Variants in POU6F2 observed in about 807,000 individuals in gnomAD.
The protein encoded by POU6F2 is POU domain, class 6, transcription factor 2.
POU6F2 carries 31 observed loss-of-function variants against 71.3 expected under a neutral mutation model. The observed-to-expected ratio is 0.43, with a 90% CI of 0.33 to 0.59. The LOEUF (loss-of-function observed/expected upper bound fraction) is 0.59. Ranked by LOEUF, POU6F2 falls within the 20% of genes least tolerant of loss-of-function variation. The probability of loss-of-function intolerance (pLI) is 0.04; values close to 1 mark genes in which losing one functional copy is unlikely to be tolerated. For missense variants in POU6F2, 783 were observed against 856.8 expected (o/e 0.91, Z 1.07); for synonymous variants, 347 against 355.7 (o/e 0.98, Z 0.27).
intron 4 of POU6F2, among the ~76,000 whole-genome samples, chr7:39,320,666 A>C (rs1785369663): frequency 6.6e-6 from 1 of 152,222 alleles, no homozygotes; most frequent in African/African-American, 2.4e-5. Context: ...GAAGCTGCAG[A>C]TAGTACTGAA....
intron 1 of POU6F2, among the ~76,000 whole-genome samples, chr7:39,018,589 A>T (rs890784360): frequency 6.6e-6 from 1 of 152,084 alleles, no homozygotes; most frequent in Non-Finnish European, 1.5e-5. Context: ...GTTCTCATTT[A>T]TGTCTTGCTC....
chr7:39,266,040 G>C (rs758482074), intron 4 of POU6F2, among the ~76,000 whole-genome samples: 2 of 152,154 alleles, frequency 1.3e-5, no homozygotes, highest in Admixed American at 1.3e-4. Flanking sequence ...CCTTCTCCTC[G>C]GAAGTGGAGG....
chr7:39,179,751 C>G (rs1299652053), intron 2 of POU6F2, among the ~76,000 whole-genome samples: 1 of 152,166 alleles, frequency 6.6e-6, no homozygotes, highest in African/African-American at 2.4e-5. Flanking sequence ...CAATGTGGCT[C>G]TGGTTATAAT....
chr7:39,219,974 T>C (rs989633870), intron 4 of POU6F2, among the ~76,000 whole-genome samples: 1 of 152,218 alleles, frequency 6.6e-6, no homozygotes, highest in African/African-American at 2.4e-5. Context: ...TACTTCCATA[T>C]ATTTCAAAGT....
rs1481721241 is a variant in POU6F2 at position 39,158,083 on chromosome 7, T to C, written c.278-46152T>C. 2.6e-5 allele frequency among the ~76,000 whole-genome samples: 4 copies of C among 152,226 alleles called. No individual in the cohort carries two copies. The South Asian group carries it at 8.3e-4, about 32-fold the overall frequency. On this transcript the variant is annotated intron_variant, in intron 2 of 9. Transcript: ENST00000518318. ...AGCAATTCATGTAATTTCTCTGCGC[T>C]TTAGTTTCTTCATCTGTAAAATGTG...
rs186497237 is a variant in POU6F2, at chr7:39,025,195, T to C, written c.105+47137T>C. On this transcript the variant is annotated intron_variant, in intron 1 of 9. Coordinates refer to ENST00000518318, the MANE Select transcript of POU6F2 (RefSeq NM_001370959.1). ...CTGCAATTTCAGATCCTGTTATTGG[T>C]CTATTCAGAGATTCAACTTCTTCCT... Among the ~76,000 whole-genome samples the C allele has an allele frequency of 3.5e-3, 539 of 152,314 alleles. 3 individuals are homozygous for C. Among genetic ancestry groups the C allele is most frequent in the Non-Finnish European group, 5.4e-3 (367 of 68,028 alleles).
At chr7:39,144,817 G>A (rs115546974) in intron 2 of POU6F2, among the ~76,000 whole-genome samples, 3 of 152,232 alleles carry the variant, frequency 2.0e-5, no homozygotes, top group Admixed American at 6.5e-5. Context: ...TCTTCTTCCA[G>A]GGCATTAGAC....
chr7:39,038,017 A>C (rs906410381), intron 1 of POU6F2, among the ~76,000 whole-genome samples: 1 of 152,098 alleles, frequency 6.6e-6, no homozygotes, highest in Admixed American at 6.6e-5. Context: ...CACTGGAAAC[A>C]GGTAATCTAC....
intron 6 of POU6F2, among the ~76,000 whole-genome samples, chr7:39,409,186 ACT>A (rs1787498299): frequency 6.6e-6 from 1 of 152,174 alleles, no homozygotes; most frequent in Non-Finnish European, 1.5e-5. Context: ...CAAAGAGAAA[ACT>A]CTGAATATGT....
At chr7:39,456,872 GGAA>G (rs774816337) in intron 8 of POU6F2, among the ~76,000 whole-genome samples, 2 of 152,206 alleles carry the variant, frequency 1.3e-5, no homozygotes, top group Non-Finnish European at 2.9e-5. Context: ...AACTGTCAGA[GGAA>G]GAAGAAGGAA....
intron 1 of POU6F2, among the ~76,000 whole-genome samples, chr7:38,988,381 C>A (rs1229025): frequency 0.3 from 45,454 of 151,630 alleles, 7,066 homozygotes; most frequent in Non-Finnish European, 0.35. Flanking sequence ...CACTCTATAC[C>A]CCTATGAAAA....
chr7:39,212,133 T>A lies in POU6F2; in HGVS notation c.598+4513T>A, dbSNP rs1794153664. ...GAGATTGACTGCCCCCAGACTGAGA[T>A]GTTCGTTTCTGTCCTCTTGGCTATG... On this transcript the variant is annotated intron_variant, in intron 4 of 9. Transcript: ENST00000518318. Among the ~76,000 whole-genome samples, 3 of 152,312 alleles carry A rather than the reference T, an allele frequency of 2.0e-5. No individual in the cohort carries two copies. The South Asian group carries it at 6.2e-4, about 32-fold the overall frequency.
At chr7:39,216,995 AG>A (rs1184890016) in intron 4 of POU6F2, among the ~76,000 whole-genome samples, 2 of 152,202 alleles carry the variant, frequency 1.3e-5, no homozygotes, top group Non-Finnish European at 2.9e-5. Flanking sequence ...TATATAACAA[AG>A]TATTACTGGT....
At chr7:39,027,417 C>T (rs1789835613) in intron 1 of POU6F2, among the ~76,000 whole-genome samples, 1 of 152,078 alleles carries the variant, frequency 6.6e-6, no homozygotes, top group Non-Finnish European at 1.5e-5. Flanking sequence ...TGCTCAAAAC[C>T]CTATTGCCCA....
At chr7:39,084,379 G>A (rs1186336156) in intron 1 of POU6F2, among the ~76,000 whole-genome samples, 1 of 152,152 alleles carries the variant, frequency 6.6e-6, no homozygotes. Flanking sequence ...ATGACTGTGA[G>A]ATTCAATTAA....
chr7:39,446,270 T>C (rs572076461), intron 7 of POU6F2, among the ~76,000 whole-genome samples: 1 of 152,342 alleles, frequency 6.6e-6, no homozygotes, highest in South Asian at 2.1e-4. Flanking sequence ...CTCTCTGACA[T>C]CTTTGTTGAA....
At chr7:39,384,668 C>A (rs762451468) in intron 5 of POU6F2, among the ~76,000 whole-genome samples, 7 of 152,240 alleles carry the variant, frequency 4.6e-5, no homozygotes, top group Non-Finnish European at 1.0e-4. Context: ...GGCTTCCTCT[C>A]ATTTCTAAAC....
chr7:39,237,738 C>T (rs1794699323), intron 4 of POU6F2, among the ~76,000 whole-genome samples: 1 of 152,116 alleles, frequency 6.6e-6, no homozygotes, highest in Non-Finnish European at 1.5e-5. Context: ...CTAGACCCGG[C>T]CTTGCAGGGG....
chr7:39,199,942 A>G (rs1207704319), intron 2 of POU6F2, among the ~76,000 whole-genome samples: 4 of 152,238 alleles, frequency 2.6e-5, no homozygotes, highest in Admixed American at 6.5e-5. Context: ...TCTATTATGT[A>G]GCTATTTTAA....
Sources: gnomAD v4.1 joint callset for allele counts (sites outside exome capture counted in the v4.1 genomes callset) on GRCh38, gnomAD v4.1.1 for gene constraint, MANE v1.5 for transcripts, NCBI Gene and HGNC (gene_info 2026-07-23, HGNC 2026-07-21) for gene names.